Variants in TET1 observed in about 807,000 individuals in gnomAD.
TET1 encodes the protein methylcytosine dioxygenase TET1.
Under a neutral mutation model 148.7 loss-of-function variants are expected in TET1, and 13 were observed. The ratio of observed to expected loss-of-function variants is 0.09; its 90% CI spans 0.06 to 0.14. TET1 has a LOEUF of 0.14. Ranked by LOEUF, TET1 falls within the 10% of genes least tolerant of loss-of-function variation. The pLI is 1.00. For synonymous variants in TET1, 907 were observed against 937.2 expected (o/e 0.97, Z 0.59); for missense variants, 2,182 against 2,553.8 (o/e 0.85, Z 3.14).
chr10:68,604,137 T>G (rs895920976), intron 3 of TET1, among the ~76,000 whole-genome samples: 1 of 152,264 alleles, frequency 6.6e-6, no homozygotes, highest in Non-Finnish European at 1.5e-5. Context: ...CTTAGCCTTT[T>G]AAGTGACGTG....
At chr10:68,584,248 G>A (rs1255222607) in intron 2 of TET1, among the ~76,000 whole-genome samples, 1 of 151,082 alleles carries the variant, frequency 6.6e-6, no homozygotes, top group African/African-American at 2.4e-5. Context: ...CACCATGTTG[G>A]CCAGGCTGGT....
At chr10:68,561,872 C>T (rs1012149731) in intron 1 of TET1, among the ~76,000 whole-genome samples, 3 of 152,040 alleles carry the variant, frequency 2.0e-5, no homozygotes, top group Non-Finnish European at 4.4e-5. Flanking sequence ...TAAAGTGTTT[C>T]CAAAAGAACA....
chr10:68,679,232 CA>C (rs1380480458), intron 8 of TET1, among the ~76,000 whole-genome samples: 1 of 152,102 alleles, frequency 6.6e-6, no homozygotes, highest in African/African-American at 2.4e-5. Flanking sequence ...GTGAACTGTA[CA>C]AACTATGAGT....
At chr10:68,618,605 T>C (rs2054328239) in intron 3 of TET1, among the ~76,000 whole-genome samples, 2 of 152,194 alleles carry the variant, frequency 1.3e-5, no homozygotes, top group South Asian at 4.1e-4. Context: ...TTTGTTTATG[T>C]ACCAGATAGG....
At chr10:68,634,884 C>T (rs542116485) in intron 3 of TET1, among the ~76,000 whole-genome samples, 438 of 152,216 alleles carry the variant, frequency 2.9e-3, no homozygotes, top group Non-Finnish European at 5.2e-3. Context: ...GCCTCAGCCT[C>T]CTGTGTAGCT....
At chr10:68,606,025 A>T (rs912067489) in intron 3 of TET1, among the ~76,000 whole-genome samples, 1 of 152,110 alleles carries the variant, frequency 6.6e-6, no homozygotes, top group African/African-American at 2.4e-5. Flanking sequence ...TGCTAAAATT[A>T]CTAAATTAGA....
intron 10 of TET1, among the ~76,000 whole-genome samples, chr10:68,684,963 T>G (rs1039440828): frequency 1.3e-5 from 2 of 152,144 alleles, no homozygotes; most frequent in Non-Finnish European, 1.5e-5. Flanking sequence ...AGTTTAATAT[T>G]GCAGGCTTTC....
intron 2 of TET1, among the ~76,000 whole-genome samples, chr10:68,592,421 G>T (rs2053929131): frequency 6.6e-6 from 1 of 152,142 alleles, no homozygotes; most frequent in African/African-American, 2.4e-5. Flanking sequence ...TTATATTTTT[G>T]ATAATCGTCT....
intron 3 of TET1, among the ~76,000 whole-genome samples, chr10:68,612,720 C>T (rs982876591): frequency 3.3e-5 from 5 of 152,028 alleles, no homozygotes; most frequent in Non-Finnish European, 7.4e-5. Flanking sequence ...CAGGCTCAAG[C>T]GATCCTCCCA....
chr10:68,645,296 C>A lies in TET1; in HGVS notation c.2567C>A (p.Pro856Gln), dbSNP rs199602262. Residue 856 changes from proline to glutamine, a missense_variant, in exon 4 of 12, where the codon CCA (proline) becomes CAA (glutamine). Coordinates refer to ENST00000373644, the MANE Select transcript of TET1 (RefSeq NM_030625.3). Reference protein sequence around the residue: ...HASIHNEGDQPKTPENIPSKE... With the variant: ...HASIHNEGDQQKTPENIPSKE... ...AGTATACACAATGAAGGTGATCAAC[C>A]AAAAACTCCTGAGAATATACCAAGT... The A allele has an allele frequency of 3.6e-5, 58 of 1,614,078 alleles. No individual in the cohort carries two copies. The Middle Eastern group carries it at 4.9e-4, about 14-fold the overall frequency.
intron 7 of TET1, among the ~76,000 whole-genome samples, chr10:68,670,813 A>G (rs1345039057): frequency 6.6e-6 from 1 of 152,166 alleles, no homozygotes; most frequent in Non-Finnish European, 1.5e-5. Context: ...GTTACGTATC[A>G]GGCATTTTCC....
Position 68,691,537 on chromosome 10 carries a change from C to T in TET1, c.6134C>T (p.Ser2045Phe). ...AACCGTAATCATCCAACCCGCCTCT[C>T]CCTTGTCTTTTACCAGCACAAAAAC... ...HPNRNHPTRL[S>F]LVFYQHKNLN... Residue 2045 changes from serine to phenylalanine, a missense_variant, in exon 12 of 12, where the codon TCC (serine) becomes TTC (phenylalanine). This residue lies in a region of TET1 where 20 missense variants were observed against 23.9 expected (regional missense o/e 0.84). Transcript: ENST00000373644. The surrounding 1 kb of genome is among the most constrained non-coding windows in gnomAD (Gnocchi z 4.4). 6.2e-7 allele frequency: 1 copy of T among 1,614,124 alleles called. No individual in the cohort carries two copies. The highest frequency in any genetic ancestry group is 8.5e-7 in the Non-Finnish European group (1 of 1,180,032).
intron 3 of TET1, among the ~76,000 whole-genome samples, chr10:68,617,821 C>T (rs1647732687): frequency 6.6e-6 from 1 of 152,194 alleles, no homozygotes; most frequent in African/African-American, 2.4e-5. Flanking sequence ...GCTGGGATTA[C>T]AGGCGTGAGC....
chr10:68,610,594 G>C (rs900308512), intron 3 of TET1, among the ~76,000 whole-genome samples: 1 of 151,964 alleles, frequency 6.6e-6, no homozygotes, highest in African/African-American at 2.4e-5. Context: ...CTTCTCAAAA[G>C]ATAAAAAAAC....
In TET1 at chr10:68,691,964, G is replaced by T. The variant is rs2055601180; in HGVS notation, c.*150G>T. ...TAATAATGATAACAAAACGGGGTGGGTATTCTTAACTGTGACTATATTTTG... is the reference window on the plus strand; with the variant it reads ...TAATAATGATAACAAAACGGGGTGGTTATTCTTAACTGTGACTATATTTTG... On this transcript the variant is annotated 3_prime_UTR_variant, in exon 12 of 12. Transcript: ENST00000373644. The surrounding 1 kb of genome is among the most constrained non-coding windows in gnomAD (Gnocchi z 4.4). 3.2e-6 allele frequency: 3 copies of T among 940,774 alleles called. No homozygotes were observed. The highest frequency in any genetic ancestry group is 4.6e-6 in the Non-Finnish European group (3 of 647,030). 58.3% of individuals were successfully genotyped at this position (940,774 alleles called of 1,614,324 possible).
At chr10:68,587,903 C>A (rs1313653993) in intron 2 of TET1, among the ~76,000 whole-genome samples, 1 of 152,092 alleles carries the variant, frequency 6.6e-6, no homozygotes, top group Non-Finnish European at 1.5e-5. Flanking sequence ...TTTTTTGAGA[C>A]AGTCTCACTC....
chr10:68,595,985 C>CACCAT (rs2053981467), intron 2 of TET1, among the ~76,000 whole-genome samples: 1 of 54,078 alleles, frequency 1.8e-5, no homozygotes, highest in African/African-American at 8.4e-5. Flanking sequence ...CACATATATA[C>CACCAT]ACACACACAC....
Position 68,595,612 on chromosome 10 carries a change from C to CTTTTTTTTTT in TET1, c.1915-5356_1915-5347dup, listed in dbSNP as rs71470530. Among the ~76,000 whole-genome samples the CTTTTTTTTTT allele has an allele frequency of 9.5e-4, 73 of 76,500 alleles. 5 individuals are homozygous for CTTTTTTTTTT. Among genetic ancestry groups the CTTTTTTTTTT allele is most frequent in the African/African-American group, 3.4e-3 (66 of 19,632 alleles). 50.2% of individuals were successfully genotyped at this position (76,500 alleles called of 152,430 possible). On this transcript the variant is annotated intron_variant, in intron 2 of 11. Coordinates refer to ENST00000373644, the MANE Select transcript of TET1 (RefSeq NM_030625.3). Reference sequence around the variant, plus strand: ...CACAACACACACACACACACAGCTTCTTTTTTTTTTTTTTTTTTTTTTGAG... The same window carrying CTTTTTTTTTT: ...CACAACACACACACACACACAGCTTCTTTTTTTTTTTTTTTTTTTTTTTTTTTTTTTTGAG...
At chr10:68,581,279 A>G (rs1331744438) in intron 2 of TET1, among the ~76,000 whole-genome samples, 1 of 152,210 alleles carries the variant, frequency 6.6e-6, no homozygotes, top group Non-Finnish European at 1.5e-5. Flanking sequence ...TCAGAATTAC[A>G]GATAATTAAA....
Sources: gnomAD v4.1 joint callset for allele counts (sites outside exome capture counted in the v4.1 genomes callset) on GRCh38, gnomAD v4.1.1 for gene constraint, gnomAD v4.1.1 regional missense constraint, Gnocchi (gnomAD v3.1) non-coding constraint, MANE v1.5 for transcripts, NCBI Gene and HGNC (gene_info 2026-07-23, HGNC 2026-07-21) for gene names.